TTLL1: variants seen among roughly 807,000 people sequenced by gnomAD.
TTLL1 encodes polyglutamylase complex subunit TTLL1.
In TTLL1, 33 loss-of-function variants were observed where a neutral mutation model predicts 47.8. That is an observed-to-expected ratio of 0.69 (90% CI 0.52 to 0.92). The LOEUF (loss-of-function observed/expected upper bound fraction) is 0.92. Among genes scored for constraint, TTLL1 ranks in the 40% least tolerant of loss-of-function variants. The pLI is 0.00. For synonymous variants in TTLL1, 225 were observed against 214.1 expected (o/e 1.05, Z -0.45); for missense variants, 488 against 547.5 (o/e 0.89, Z 1.08).
chr22:43,065,566 A>C (rs1003197437), intron 5 of TTLL1, among the ~76,000 whole-genome samples: 2 of 151,950 alleles, frequency 1.3e-5, no homozygotes, highest in South Asian at 2.1e-4. Flanking sequence ...CTGGGATTAC[A>C]GGCTTGTGCC....
chr22:43,071,350 G>A (rs1928106354), intron 3 of TTLL1, among the ~76,000 whole-genome samples: 1 of 152,142 alleles, frequency 6.6e-6, no homozygotes, highest in Admixed American at 6.6e-5. Flanking sequence ...AAAATAAAGA[G>A]CTGGCCGGGC....
intron 9 of TTLL1, among the ~76,000 whole-genome samples, chr22:43,050,077 A>G (rs192541119): frequency 6.6e-6 from 1 of 151,660 alleles, no homozygotes; most frequent in Admixed American, 6.6e-5. Context: ...AGCCTAGGCG[A>G]CAGAGTGAGA....
chr22:43,047,205 A>G (rs945862239), intron 9 of TTLL1, among the ~76,000 whole-genome samples: 3 of 152,186 alleles, frequency 2.0e-5, no homozygotes, highest in Non-Finnish European at 2.9e-5. Flanking sequence ...AGAGCCCCAC[A>G]AGGGTTTGTT....
At chr22:43,069,909 C>T (rs917125825) in intron 3 of TTLL1, 65 bp from the exon 4 acceptor site, 30 of 1,579,852 alleles carry the variant, frequency 1.9e-5, no homozygotes, top group African/African-American at 1.3e-4. Flanking sequence ...CCTTTGTTCC[C>T]GTCCCCGCAA....
chr22:43,083,106 C>T (rs1929004775), intron 1 of TTLL1, among the ~76,000 whole-genome samples: 1 of 152,084 alleles, frequency 6.6e-6, no homozygotes, highest in Non-Finnish European at 1.5e-5. Flanking sequence ...GCGGCTCACG[C>T]CTGTAATCCT....
intron 9 of TTLL1, among the ~76,000 whole-genome samples, chr22:43,051,111 C>G (rs1350478007): frequency 6.6e-6 from 1 of 152,228 alleles, no homozygotes; most frequent in African/African-American, 2.4e-5. Context: ...GGAGGGCGTG[C>G]AGGGAGATGA....
intron 8 of TTLL1, among the ~76,000 whole-genome samples, chr22:43,055,677 T>C (rs1926951063): frequency 6.6e-6 from 1 of 151,692 alleles, no homozygotes. Flanking sequence ...TCTTGCTATG[T>C]GGTCCAGGCT....
chr22:43,059,586 G>A (rs17415203), intron 7 of TTLL1, 59 bp from the exon 8 acceptor site: 169,140 of 1,537,628 alleles, frequency 0.11, 10,015 homozygotes, highest in Non-Finnish European at 0.12. Flanking sequence ...GGAACCCAGC[G>A]GAACCGTTGC....
intron 2 of TTLL1, among the ~76,000 whole-genome samples, chr22:43,079,695 C>A (rs930514886): frequency 6.6e-6 from 1 of 152,246 alleles, no homozygotes. Context: ...GCGATTCTCA[C>A]ACAGTGCTTC....
chr22:43,051,257 C>T (rs751664188), intron 9 of TTLL1, among the ~76,000 whole-genome samples: 5 of 152,254 alleles, frequency 3.3e-5, no homozygotes, highest in East Asian at 1.9e-4. Flanking sequence ...TGGCTGAGGT[C>T]GCACCAGCCA....
intron 2 of TTLL1, among the ~76,000 whole-genome samples, chr22:43,077,456 T>C (rs1928582755): frequency 6.6e-6 from 1 of 152,154 alleles, no homozygotes. Context: ...GAGCTCTGTA[T>C]CAAGCATCTG....
chr22:43,070,047 G>C, intron 3 of TTLL1: 1 of 1,185,594 alleles, frequency 8.4e-7, no homozygotes, highest in Non-Finnish European at 1.2e-6. Flanking sequence ...GTGGTGTGAG[G>C]GCCAGGAGCT....
intron 10 of TTLL1, among the ~76,000 whole-genome samples, chr22:43,046,056 A>G (rs910601917): frequency 1.3e-4 from 19 of 151,028 alleles, no homozygotes; most frequent in African/African-American, 4.5e-4. Flanking sequence ...CCCTGTCTAT[A>G]CTAAAAATAC....
At chr22:43,082,154 C>T (rs905605598) in intron 1 of TTLL1, among the ~76,000 whole-genome samples, 2 of 140,544 alleles carry the variant, frequency 1.4e-5, no homozygotes, top group Admixed American at 1.4e-4. Flanking sequence ...ACCTGGACCC[C>T]TTCCATTTTT....
At chr22:43,084,940 CATT>C (rs1402199415) in intron 1 of TTLL1, among the ~76,000 whole-genome samples, 8 of 143,878 alleles carry the variant, frequency 5.6e-5, no homozygotes, top group Non-Finnish European at 1.2e-4. Flanking sequence ...TTTATATCAT[CATT>C]AAGAACAAAA....
rs777758004 is a variant in TTLL1, at chr22:43,063,867, A to G, written c.693T>C (p.Ser231=). 1.9e-6 allele frequency: 3 copies of G among 1,614,128 alleles called. No homozygotes were observed. Among genetic ancestry groups the G allele is most frequent in the Non-Finnish European group, 2.5e-6 (3 of 1,179,992 alleles). Residue 231 remains serine, a synonymous_variant, in exon 7 of 11, where the codon AGT becomes AGC. Coordinates refer to ENST00000266254, the MANE Select transcript of TTLL1 (RefSeq NM_012263.5). Reference sequence around the variant, plus strand: ...GATGAACGAACATGTTGTCCAGCTCACTGGTACTCGGGGTGTATTTCACTG... The same window carrying G: ...GATGAACGAACATGTTGTCCAGCTCGCTGGTACTCGGGGTGTATTTCACTG... ...FCTVKYTPST[S]ELDNMFVHLT...
At chr22:43,063,369 T>G in intron 7 of TTLL1, among the ~76,000 whole-genome samples, 1 of 152,136 alleles carries the variant, frequency 6.6e-6, no homozygotes, top group Middle Eastern at 3.4e-3. Context: ...GTCCCATCAG[T>G]GCCGGACCTT....
At chr22:43,046,896 C>G (rs148530637) in intron 9 of TTLL1, among the ~76,000 whole-genome samples, 1,625 of 152,230 alleles carry the variant, frequency 0.011, 13 homozygotes, top group Non-Finnish European at 0.015. Context: ...GTCTCGAACT[C>G]CTGACCTCAG....
intron 2 of TTLL1, among the ~76,000 whole-genome samples, chr22:43,078,743 T>C (rs1601702161): frequency 1.3e-5 from 2 of 152,130 alleles, no homozygotes; most frequent in Non-Finnish European, 2.9e-5. Context: ...TATAAAGGAC[T>C]GCTGTTAGGT....
Sources: gnomAD v4.1 joint callset for allele counts (sites outside exome capture counted in the v4.1 genomes callset) on GRCh38, gnomAD v4.1.1 for gene constraint, MANE v1.5 for transcripts, NCBI Gene and HGNC (gene_info 2026-07-23, HGNC 2026-07-21) for gene names.